The following MICU2 variants were observed in gnomAD, a reference collection of about 807,000 sequenced individuals.
MICU2 encodes the protein mitochondrial calcium uptake 2, also known as calcium uptake protein 2, mitochondrial.
Under a neutral mutation model 60.4 loss-of-function variants are expected in MICU2, and 64 were observed. That is an observed-to-expected ratio of 1.06 (90% confidence interval 0.87 to 1.31). The LOEUF is 1.31. Ranked by LOEUF, MICU2 falls within the 50% of genes most tolerant of loss-of-function variation. The pLI is 0.00. For missense variants in MICU2, 569 were observed against 531.0 expected (o/e 1.07, Z -0.70); for synonymous variants, 201 against 175.0 (o/e 1.15, Z -1.17).
At chr13:21,583,180 AG>A (rs1180927995) in intron 1 of MICU2, among the ~76,000 whole-genome samples, 1 of 152,166 alleles carries the variant, frequency 6.6e-6, no homozygotes, top group Non-Finnish European at 1.5e-5. Flanking sequence ...GCTTGGGTCT[AG>A]GAGTTTGCCT....
intron 2 of MICU2, among the ~76,000 whole-genome samples, chr13:21,545,437 T>C (rs941529639): frequency 6.6e-6 from 1 of 152,158 alleles, no homozygotes; most frequent in Non-Finnish European, 1.5e-5. Context: ...TCCCAGCACT[T>C]TGGGAGGCCG....
rs565535618 is a variant in MICU2, at chr13:21,522,668, A to G, written c.467-18T>C. 6 of 1,567,080 alleles carry G rather than the reference A, an allele frequency of 3.8e-6. No individual in the cohort carries two copies. In the East Asian group the frequency reaches 9.0e-5, roughly 24 times the overall value. On this transcript the variant is annotated intron_variant, in intron 4 of 11. Coordinates refer to ENST00000382374, the MANE Select transcript of MICU2 (RefSeq NM_152726.3). ...AATTAGCCCTGAAAGAGATAAAAAC[A>G]TACCAGAAAATAAGCTTTAGATGGT...
At chr13:21,537,520 A>T (rs1227149464) in intron 4 of MICU2, among the ~76,000 whole-genome samples, 3 of 137,964 alleles carry the variant, frequency 2.2e-5, no homozygotes, top group Non-Finnish European at 4.6e-5. Flanking sequence ...CCCAGGCTGG[A>T]GTGTAATGGC....
intron 9 of MICU2, among the ~76,000 whole-genome samples, chr13:21,502,250 ACTTT>A (rs1334056963): frequency 1.3e-5 from 2 of 152,098 alleles, no homozygotes; most frequent in Non-Finnish European, 2.9e-5. Flanking sequence ...AATAGAAGTA[ACTTT>A]TTAAAAAGTT....
At chr13:21,499,363 T>C (rs750990251) in intron 9 of MICU2, among the ~76,000 whole-genome samples, 6 of 152,164 alleles carry the variant, frequency 3.9e-5, no homozygotes, top group Non-Finnish European at 5.9e-5. Context: ...AGATTTCTAA[T>C]GGGTTGTTAG....
At position 21,549,172 on chromosome 13, in the gene MICU2, G is replaced by A. The variant is rs181835694; in HGVS notation, c.359-9484C>T. Reference sequence around the variant, plus strand: ...TCTTGATCTCCTGACCTCGTGATCCGCCCGCCTTGGCCTCCCAACGTGCTG... The same window carrying A: ...TCTTGATCTCCTGACCTCGTGATCCACCCGCCTTGGCCTCCCAACGTGCTG... On this transcript the variant is annotated intron_variant, in intron 2 of 11. Coordinates refer to ENST00000382374, the MANE Select transcript of MICU2 (RefSeq NM_152726.3). Among the ~76,000 whole-genome samples, 340 of 151,904 alleles carry A rather than the reference G, an allele frequency of 2.2e-3. 3 individuals carry two copies. Among genetic ancestry groups the A allele is most frequent in the African/African-American group, 7.4e-3 (308 of 41,446 alleles).
intron 2 of MICU2, among the ~76,000 whole-genome samples, chr13:21,560,618 CAA>C (rs34665060): frequency 0.19 from 27,434 of 141,720 alleles, 3,213 homozygotes; most frequent in Non-Finnish European, 0.28. Context: ...ATCAGCTTGT[CAA>C]AAAACACACA....
intron 2 of MICU2, among the ~76,000 whole-genome samples, chr13:21,565,535 G>C (rs901366669): frequency 1.3e-5 from 2 of 152,240 alleles, no homozygotes; most frequent in Admixed American, 6.5e-5. Context: ...GCACGTGCCT[G>C]TAATCCCAGA....
intron 6 of MICU2, among the ~76,000 whole-genome samples, chr13:21,515,085 GTT>G (rs5802119): frequency 6.4e-4 from 89 of 139,310 alleles, no homozygotes; most frequent in African/African-American, 1.2e-3. Context: ...CAAGTATATA[GTT>G]TTTTTTTTTT....
chr13:21,531,868 T>C (rs1322929482), intron 4 of MICU2, among the ~76,000 whole-genome samples: 1 of 152,214 alleles, frequency 6.6e-6, no homozygotes, highest in Non-Finnish European at 1.5e-5. Flanking sequence ...AAGTTACCGA[T>C]ATTCTTTCTC....
chr13:21,533,800 A>C (rs987390357), intron 4 of MICU2, among the ~76,000 whole-genome samples: 7 of 152,220 alleles, frequency 4.6e-5, no homozygotes, highest in African/African-American at 1.2e-4. Flanking sequence ...GGGAAAAGAA[A>C]AAATATCCTA....
At chr13:21,518,670 G>GAATAAATTT (rs1447301755) in intron 6 of MICU2, among the ~76,000 whole-genome samples, 16 of 152,204 alleles carry the variant, frequency 1.1e-4, no homozygotes, top group African/African-American at 2.9e-4. Flanking sequence ...CACTTATTTA[G>GAATAAATTT]GTATATGGCC....
At chr13:21,582,925 T>C (rs1414231113) in intron 1 of MICU2, 41 of 174,690 alleles carry the variant, frequency 2.3e-4, no homozygotes, top group Non-Finnish European at 1.1e-4. Context: ...ATTGCCTTGC[T>C]GAGAATTAAA....
intron 1 of MICU2, among the ~76,000 whole-genome samples, chr13:21,584,133 T>C (rs1328234760): frequency 6.6e-6 from 1 of 152,182 alleles, no homozygotes; most frequent in Non-Finnish European, 1.5e-5. Flanking sequence ...CTCACGCCTG[T>C]AATCCCAGCA....
chr13:21,499,834 G>A (rs1299160766), intron 9 of MICU2, among the ~76,000 whole-genome samples: 1 of 120,450 alleles, frequency 8.3e-6, no homozygotes, highest in African/African-American at 2.9e-5. Flanking sequence ...GACCAGCCTG[G>A]CCAACAACAC....
chr13:21,603,977 C>G lies in MICU2; in HGVS notation c.172G>C (p.Val58Leu). 2 of 1,612,376 alleles carry G rather than the reference C, an allele frequency of 1.2e-6. No homozygotes were observed. Residue 58 changes from valine to leucine, a missense_variant, in exon 1 of 12, where the codon GTT (valine) becomes CTT (leucine). Val to Leu is a conservative substitution (Grantham distance 32, BLOSUM62 1). Coordinates refer to ENST00000382374, the MANE Select transcript of MICU2 (RefSeq NM_152726.3). ...GAAWHHSRVSVAARDGSFTVS... is the reference protein window; with the variant it reads ...GAAWHHSRVSLAARDGSFTVS... ...GTAAAACTGCCATCCCGCGCCGCAA[C>G]ACTGACGCGGCTGTGGTGCCAGGCC...
intron 6 of MICU2, among the ~76,000 whole-genome samples, chr13:21,519,322 G>A (rs1365706103): frequency 6.6e-6 from 1 of 151,984 alleles, no homozygotes. Flanking sequence ...CCTCCCAAAG[G>A]GCTGGGATTA....
intron 2 of MICU2, among the ~76,000 whole-genome samples, chr13:21,560,592 C>T (rs1887815858): frequency 6.6e-6 from 1 of 151,712 alleles, no homozygotes; most frequent in African/African-American, 2.4e-5. Context: ...CCTTGTTTTT[C>T]CGTATAAATT....
chr13:21,544,079 T>C (rs992770591), intron 2 of MICU2, among the ~76,000 whole-genome samples: 8 of 152,102 alleles, frequency 5.3e-5, no homozygotes, highest in African/African-American at 1.9e-4. Context: ...CTCTCTTCAA[T>C]AAATGGTGCT....
Sources: gnomAD v4.1 joint callset for allele counts (sites outside exome capture counted in the v4.1 genomes callset) on GRCh38, gnomAD v4.1.1 for gene constraint, MANE v1.5 for transcripts, NCBI Gene and HGNC (gene_info 2026-07-23, HGNC 2026-07-21) for gene names.